LRP1B: variants seen among roughly 807,000 people sequenced by gnomAD.
LRP1B encodes LDL receptor related protein 1B.
LRP1B carries 217 observed loss-of-function variants against 556.6 expected under a neutral mutation model. That is an observed-to-expected ratio of 0.39 (90% CI 0.35 to 0.44). The LOEUF (loss-of-function observed/expected upper bound fraction) is 0.44, where lower values mean the gene tolerates loss of function less well. LRP1B is among the 20% of genes least tolerant of loss of function. The probability of loss-of-function intolerance (pLI) is 1.00; values close to 1 mark genes in which losing one functional copy is unlikely to be tolerated. For synonymous variants in LRP1B, 2,047 were observed against 1,865.8 expected (o/e 1.10, Z -2.50); for missense variants, 5,053 against 5,620.8 (o/e 0.90, Z 3.23).
At chr2:140,402,149 C>T (rs1296328669) in intron 66 of LRP1B, among the ~76,000 whole-genome samples, 1 of 152,166 alleles carries the variant, frequency 6.6e-6, no homozygotes, top group Non-Finnish European at 1.5e-5. Flanking sequence ...CTCAGAAACT[C>T]CTACTCCCAG....
At chr2:141,797,145 TCATATATATATATATATATATATATATA>T (rs1299127917) in intron 2 of LRP1B, among the ~76,000 whole-genome samples, 7 of 41,868 alleles carry the variant, frequency 1.7e-4, no homozygotes, top group African/African-American at 6.8e-4. Context: ...TTGAAAATAA[TCATATATATATATATATATATATATATA>T]TATATATATA....
chr2:140,803,974 G>T (rs1359426630), intron 32 of LRP1B, among the ~76,000 whole-genome samples: 2 of 150,712 alleles, frequency 1.3e-5, no homozygotes, highest in Non-Finnish European at 2.9e-5. Flanking sequence ...AGGTAGGGAG[G>T]GAAGGAAGGA....
At chr2:141,375,472 CA>C (rs1689392786) in intron 3 of LRP1B, among the ~76,000 whole-genome samples, 1 of 151,992 alleles carries the variant, frequency 6.6e-6, no homozygotes, top group Non-Finnish European at 1.5e-5. Context: ...AGTGGTGGAG[CA>C]ACCCACTGAG....
intron 51 of LRP1B, 98 bp from the exon 52 acceptor site, chr2:140,510,154 T>A (rs539726973): frequency 7.3e-7 from 1 of 1,361,786 alleles, no homozygotes; most frequent in Admixed American, 2.1e-5. Flanking sequence ...AGCAGAAGAA[T>A]GTTGCTTATA....
chr2:140,619,963 A>AT (rs1413691498), intron 41 of LRP1B, among the ~76,000 whole-genome samples: 2 of 152,258 alleles, frequency 1.3e-5, no homozygotes, highest in Non-Finnish European at 2.9e-5. Context: ...TAAACATCAT[A>AT]TTTTTTCTAT....
chr2:140,371,686 A>G (rs1344002824), intron 69 of LRP1B, among the ~76,000 whole-genome samples: 1 of 151,890 alleles, frequency 6.6e-6, no homozygotes. Flanking sequence ...AACTGTAATA[A>G]TATTTAGCAA....
intron 35 of LRP1B, among the ~76,000 whole-genome samples, chr2:140,768,650 G>C (rs556370135): frequency 6.6e-6 from 1 of 152,020 alleles, no homozygotes; most frequent in Admixed American, 6.6e-5. Flanking sequence ...AAATGTTAGT[G>C]TCCGCTTTGC....
chr2:140,607,355 G>A (rs578143215), intron 41 of LRP1B, among the ~76,000 whole-genome samples: 1 of 152,146 alleles, frequency 6.6e-6, no homozygotes, highest in Non-Finnish European at 1.5e-5. Context: ...AAAACAGTCT[G>A]TCAGTTTTAC....
At chr2:141,727,813 C>CTA (rs990413962) in intron 2 of LRP1B, among the ~76,000 whole-genome samples, 18 of 151,550 alleles carry the variant, frequency 1.2e-4, no homozygotes, top group African/African-American at 2.2e-4. Context: ...ATCAATCTCT[C>CTA]TATATATATA....
chr2:140,419,044 A>G (rs948314709), intron 66 of LRP1B, among the ~76,000 whole-genome samples: 1 of 152,196 alleles, frequency 6.6e-6, no homozygotes, highest in African/African-American at 2.4e-5. Flanking sequence ...TGACAATCCA[A>G]AGTTATTTCA....
chr2:141,777,366 CA>C (rs1234607444), intron 2 of LRP1B, among the ~76,000 whole-genome samples: 2 of 151,986 alleles, frequency 1.3e-5, no homozygotes, highest in African/African-American at 4.8e-5. Flanking sequence ...GAGTTTGGTC[CA>C]ATTTATAAAA....
chr2:140,840,348 T>A (rs1045114090), intron 30 of LRP1B, among the ~76,000 whole-genome samples: 1 of 152,176 alleles, frequency 6.6e-6, no homozygotes, highest in Non-Finnish European at 1.5e-5. Context: ...AGACTGAATA[T>A]TTAGCTAAGA....
intron 1 of LRP1B, among the ~76,000 whole-genome samples, chr2:141,834,506 T>C (rs1697206870): frequency 6.6e-6 from 1 of 151,718 alleles, no homozygotes; most frequent in Admixed American, 6.6e-5. Flanking sequence ...TTTTTCTGAG[T>C]GGAGGTACCA....
At chr2:140,308,578 T>G (rs1684163092) in intron 83 of LRP1B, among the ~76,000 whole-genome samples, 1 of 151,826 alleles carries the variant, frequency 6.6e-6, no homozygotes, top group Admixed American at 6.6e-5. Flanking sequence ...GTTGAGTCAG[T>G]CTGGTGCTTT....
chr2:141,530,998 T>G (rs1319660129), intron 2 of LRP1B, among the ~76,000 whole-genome samples: 1 of 151,578 alleles, frequency 6.6e-6, no homozygotes, highest in African/African-American at 2.4e-5. Flanking sequence ...TATTAGTAAA[T>G]TTTAAGCAAA....
At chr2:141,115,399 C>T (rs1700862126) in intron 7 of LRP1B, among the ~76,000 whole-genome samples, 1 of 151,578 alleles carries the variant, frequency 6.6e-6, no homozygotes, top group Non-Finnish European at 1.5e-5. Flanking sequence ...TCATCCCATT[C>T]CAAGAACATT....
intron 71 of LRP1B, among the ~76,000 whole-genome samples, chr2:140,367,871 C>A (rs943693568): frequency 6.6e-6 from 1 of 151,784 alleles, no homozygotes; most frequent in Non-Finnish European, 1.5e-5. Flanking sequence ...CTATTTGTAT[C>A]ATATACATCA....
At chr2:140,894,942 C>CA (rs553164109) in intron 23 of LRP1B, among the ~76,000 whole-genome samples, 2,058 of 112,892 alleles carry the variant, frequency 0.018, 13 homozygotes, top group Non-Finnish European at 0.022. Flanking sequence ...GACTCTGCCT[C>CA]AAAAAAAAAA....
chr2:141,731,529 AT>A (rs1337857890), intron 2 of LRP1B, among the ~76,000 whole-genome samples: 1 of 152,134 alleles, frequency 6.6e-6, no homozygotes, highest in East Asian at 1.9e-4. Flanking sequence ...AAAGCCACAT[AT>A]TTTTTTCCTA....
Sources: allele counts gnomAD v4.1 joint callset (sites outside exome capture counted in the v4.1 genomes callset), GRCh38; gene constraint gnomAD v4.1.1; transcripts MANE v1.5; gene names NCBI Gene and HGNC (gene_info 2026-07-23, HGNC 2026-07-21).